The following NAV3 variants were observed in gnomAD, a reference collection of about 807,000 sequenced individuals.
NAV3 encodes pore membrane and/or filament interacting like protein 1.
NAV3 carries 87 observed loss-of-function variants against 244.7 expected under a neutral mutation model. The ratio of observed to expected loss-of-function variants is 0.36; its 90% CI spans 0.30 to 0.42. NAV3 has a LOEUF of 0.42. Among genes scored for constraint, NAV3 ranks in the 20% least tolerant of loss-of-function variants. NAV3 has a pLI of 1.00. For synonymous variants in NAV3, 1,126 were observed against 1,042.2 expected, an observed-to-expected ratio of 1.08 and a Z score of -1.55; for missense variants, 2,663 against 2,893.3, an observed-to-expected ratio of 0.92 and a Z score of 1.83.
chr12:77,668,746 C>T (rs543343249), intron 2 of NAV3, among the ~76,000 whole-genome samples: 4 of 152,262 alleles, frequency 2.6e-5, no homozygotes, highest in South Asian at 4.2e-4. Flanking sequence ...AGGAAAACGT[C>T]GTCCTTGGCC....
rs748769258 is a variant in NAV3 at position 78,006,716 on chromosome 12, C to A, written c.1178C>A (p.Ala393Asp). The A allele has an allele frequency of 6.2e-7, 1 of 1,613,984 alleles. No individual in the cohort carries two copies. The highest frequency in any genetic ancestry group is 1.3e-5 in the African/African-American group (1 of 74,894). ...CTTGAGAAATTCAAGCTAGTCAATG[C>A]CCGGACTGCTTTACGCCCCCCGCAG... is the stretch of plus-strand genomic sequence containing the variant. ...SMLEKFKLVN[A>D]RTALRPPQPP... The change falls in exon 8 of 40, where the codon GCC becomes GAC. Residue 393 changes from alanine (A) to aspartate (D), a missense_variant. Around this residue, in one of 6 missense-constraint regions of NAV3, gnomAD observed 1,521 missense variants for 1,497.0 expected, o/e 1.02. Transcript: ENST00000397909.
At chr12:77,910,260 G>C (rs1461652369) in intron 1 of NAV3, among the ~76,000 whole-genome samples, 1 of 152,050 alleles carries the variant, frequency 6.6e-6, no homozygotes, top group Non-Finnish European at 1.5e-5. Flanking sequence ...TTCCAATCAT[G>C]GTGGAAGGTG....
chr12:77,999,966 T>C (rs1872966988), intron 7 of NAV3, among the ~76,000 whole-genome samples: 1 of 152,234 alleles, frequency 6.6e-6, no homozygotes. Context: ...CCACCGTTAT[T>C]GATATTCTAG....
intron 2 of NAV3, among the ~76,000 whole-genome samples, chr12:77,725,038 C>T (rs1403266118): frequency 6.6e-6 from 1 of 151,902 alleles, no homozygotes; most frequent in Non-Finnish European, 1.5e-5. Context: ...TTAAGCTTTC[C>T]TAAGTAAAAA....
chr12:78,198,169 A>G (rs1959214923), intron 35 of NAV3, among the ~76,000 whole-genome samples: 1 of 152,060 alleles, frequency 6.6e-6, no homozygotes, highest in Admixed American at 6.6e-5. Context: ...TTTGGAAGTT[A>G]CAAACGATCA....
At chr12:77,935,254 G>A (rs955628434) in intron 1 of NAV3, among the ~76,000 whole-genome samples, 1 of 152,080 alleles carries the variant, frequency 6.6e-6, no homozygotes, top group African/African-American at 2.4e-5. Context: ...AGGACTTCAA[G>A]GAAAATCAGA....
intron 5 of NAV3, among the ~76,000 whole-genome samples, chr12:77,981,333 A>G (rs189083112): frequency 2.0e-5 from 3 of 152,288 alleles, no homozygotes; most frequent in South Asian, 2.1e-4. Flanking sequence ...ATAGCATGTT[A>G]GTTATCATTT....
Position 78,046,209 on chromosome 12 carries a change from G to T in NAV3, c.2024-3784G>T, listed in dbSNP as rs192596048. ...TATGGATTTATTGATTTTTTGAAGG[G>T]TTTTTGTGTCTCTATCTCCTTCAGT... On this transcript the variant is annotated intron_variant, in intron 9 of 39. Transcript: ENST00000397909. Among the ~76,000 whole-genome samples the T allele has an allele frequency of 3.1e-3, 476 of 152,082 alleles. 3 individuals carry two copies. The highest frequency in any genetic ancestry group is 0.011 in the African/African-American group (459 of 41,510).
At chr12:77,755,800 C>A (rs1592651860) in intron 2 of NAV3, among the ~76,000 whole-genome samples, 1 of 151,012 alleles carries the variant, frequency 6.6e-6, no homozygotes, top group Non-Finnish European at 1.5e-5. Context: ...GTGGCGTGAA[C>A]ACAGCTCACT....
chr12:77,820,910 A>C (rs944257499), intron 2 of NAV3, among the ~76,000 whole-genome samples: 2 of 152,198 alleles, frequency 1.3e-5, no homozygotes, highest in African/African-American at 4.8e-5. Context: ...AAATAATAGA[A>C]GAGTCATAAT....
intron 2 of NAV3, among the ~76,000 whole-genome samples, chr12:77,807,269 G>A (rs114079056): frequency 0.014 from 2,127 of 152,234 alleles, 48 homozygotes; most frequent in African/African-American, 0.049. Context: ...TCTTCATAGT[G>A]TCGATTGTCT....
intron 22 of NAV3, among the ~76,000 whole-genome samples, chr12:78,151,855 G>T (rs1310391090): frequency 6.6e-6 from 1 of 150,894 alleles, no homozygotes; most frequent in Non-Finnish European, 1.5e-5. Context: ...GCAACTTCTT[G>T]TGTATATAAT....
chr12:78,111,627 T>C (rs1194494070), intron 12 of NAV3, among the ~76,000 whole-genome samples: 1 of 152,166 alleles, frequency 6.6e-6, no homozygotes, highest in Non-Finnish European at 1.5e-5. Context: ...ATGGAGCAAC[T>C]GAAATTCTCA....
intron 3 of NAV3, chr12:77,950,856 G>T (rs575032870): frequency 6.6e-6 from 1 of 152,156 alleles, no homozygotes; most frequent in African/African-American, 2.4e-5. Flanking sequence ...GGGAAAACTG[G>T]CTAGCCATAT....
At chr12:78,054,708 A>T (rs1359497378) in intron 11 of NAV3, among the ~76,000 whole-genome samples, 1 of 152,190 alleles carries the variant, frequency 6.6e-6, no homozygotes, top group Non-Finnish European at 1.5e-5. Flanking sequence ...TGGACTACCC[A>T]TGAAGGCATA....
At chr12:77,780,947 GGTTGTATC>G (rs1314920505) in intron 2 of NAV3, among the ~76,000 whole-genome samples, 2 of 152,064 alleles carry the variant, frequency 1.3e-5, no homozygotes, top group Non-Finnish European at 2.9e-5. Flanking sequence ...CATGAGGAGT[GGTTGTATC>G]CTTGGCTCTG....
At chr12:77,809,936 G>GA (rs1235020107) in intron 2 of NAV3, among the ~76,000 whole-genome samples, 2 of 152,030 alleles carry the variant, frequency 1.3e-5, no homozygotes, top group African/African-American at 2.4e-5. Flanking sequence ...TTCCAGTACA[G>GA]AAAAAAATTG....
chr12:77,808,163 A>G (rs1872083721), intron 2 of NAV3, among the ~76,000 whole-genome samples: 1 of 152,082 alleles, frequency 6.6e-6, no homozygotes, highest in South Asian at 2.1e-4. Flanking sequence ...CCACCTTCTG[A>G]AGCCTAGTTC....
intron 2 of NAV3, among the ~76,000 whole-genome samples, chr12:77,690,343 T>C (rs1045624327): frequency 2.0e-5 from 3 of 151,816 alleles, no homozygotes; most frequent in Non-Finnish European, 4.4e-5. Context: ...GTAGTGATTG[T>C]GTGAATTTGG....
Sources: gnomAD v4.1 joint callset for allele counts (sites outside exome capture counted in the v4.1 genomes callset) on GRCh38, gnomAD v4.1.1 for gene constraint, gnomAD v4.1.1 regional missense constraint, MANE v1.5 for transcripts, NCBI Gene and HGNC (gene_info 2026-07-23, HGNC 2026-07-21) for gene names.